The following CRHR2 variants were observed in gnomAD, a reference collection of about 807,000 sequenced individuals.
CRHR2 encodes corticotropin releasing hormone receptor 2.
In CRHR2, 53 loss-of-function variants were observed where a neutral mutation model predicts 57.9. The ratio of observed to expected loss-of-function variants is 0.92; its 90% CI spans 0.73 to 1.15. CRHR2 has a LOEUF of 1.15. Ranked by LOEUF, CRHR2 falls within the 50% of genes most tolerant of loss-of-function variation. The pLI, the probability that CRHR2 is intolerant of heterozygous loss-of-function variation, is 0.00. For synonymous variants in CRHR2, 213 were observed against 220.9 expected (o/e 0.96, Z 0.32); for missense variants, 532 against 542.6 (o/e 0.98, Z 0.19).
Position 30,656,003 on chromosome 7 carries a change from C to G in CRHR2, c.841G>C (p.Val281Leu), listed in dbSNP as rs748008972. The change falls in exon 9 of 12, where the codon GTA becomes CTA. Residue 281 changes from valine (V) to leucine (L), a missense_variant. Val to Leu is a conservative substitution (Grantham distance 32). Coordinates refer to ENST00000471646, the MANE Select transcript of CRHR2 (RefSeq NM_001883.5). The surrounding 1 kb of genome is among the most constrained non-coding windows in gnomAD (Gnocchi z 4.4). ...PIILVLLINF[V>L]FLFNIVRILM... ...ATCCTGACGATGTTGAACAGAAATACGAAATTGATCTGGAGGGAGGGCGGG... is the reference window on the plus strand; with the variant it reads ...ATCCTGACGATGTTGAACAGAAATAGGAAATTGATCTGGAGGGAGGGCGGG... 3.4e-5 allele frequency: 55 copies of G among 1,613,598 alleles called. 1 individual carries two copies. The South Asian group carries it at 5.9e-4, about 17-fold the overall frequency.
At chr7:30,683,324 T>C (rs1440664290), upstream of CRHR2, among the ~76,000 whole-genome samples, 1 of 152,214 alleles carries the variant, frequency 6.6e-6, no homozygotes, top group African/African-American at 2.4e-5. Flanking sequence ...CACCTGACCC[T>C]GGTTTCCACA....
chr7:30,675,566 C>T (rs1784492144), intron 2 of CRHR2, among the ~76,000 whole-genome samples: 1 of 152,242 alleles, frequency 6.6e-6, no homozygotes, highest in South Asian at 2.1e-4. Flanking sequence ...TTGAGGCCTC[C>T]ATGATCTGGC....
chr7:30,695,466 A>T (rs1446693040), intron 1 of CRHR2, among the ~76,000 whole-genome samples: 3 of 151,874 alleles, frequency 2.0e-5, no homozygotes, highest in African/African-American at 7.3e-5. Context: ...CTGAACGCCC[A>T]TGAATCCCTC....
At chr7:30,678,929 G>A (rs1248116873) in intron 2 of CRHR2, among the ~76,000 whole-genome samples, 2 of 152,154 alleles carry the variant, frequency 1.3e-5, no homozygotes, top group Non-Finnish European at 2.9e-5. Flanking sequence ...CCAAAATTGA[G>A]CTTCTCTGCT....
intron 11 of CRHR2, 181 bp downstream of exon 11, chr7:30,654,858 G>C: frequency 6.5e-7 from 1 of 1,547,606 alleles, no homozygotes; most frequent in Non-Finnish European, 8.7e-7. Flanking sequence ...CTGCATAGTT[G>C]ACCTTCTAAA....
chr7:30,667,555 G>T (rs1439674095), intron 2 of CRHR2, among the ~76,000 whole-genome samples: 1 of 152,212 alleles, frequency 6.6e-6, no homozygotes, highest in Non-Finnish European at 1.5e-5. Context: ...CTAGCATTTT[G>T]TACACTTTCA....
intron 2 of CRHR2, among the ~76,000 whole-genome samples, chr7:30,676,560 C>G (rs1197086243): frequency 6.6e-6 from 1 of 152,192 alleles, no homozygotes; most frequent in Non-Finnish European, 1.5e-5. Flanking sequence ...AGTTTACCCC[C>G]ACTCCCTCCA....
chr7:30,656,016 G>C lies in CRHR2; in HGVS notation c.832-4C>G. 1 of 1,609,390 alleles carries C rather than the reference G, an allele frequency of 6.2e-7. No individual in the cohort carries two copies. The highest frequency in any genetic ancestry group is 1.7e-5 in the Admixed American group (1 of 60,004). ...TGAACAGAAATACGAAATTGATCTGGAGGGAGGGCGGGCATGGGAAAGAGG... is the reference window on the plus strand; with the variant it reads ...TGAACAGAAATACGAAATTGATCTGCAGGGAGGGCGGGCATGGGAAAGAGG... On this transcript the variant is annotated splice_region_variant and splice_polypyrimidine_tract_variant and intron_variant, in intron 8 of 11. Coordinates refer to ENST00000471646, the MANE Select transcript of CRHR2 (RefSeq NM_001883.5). This position sits in a 1 kb window ranked among gnomAD's most constrained non-coding sequence, Gnocchi z 4.4.
At chr7:30,655,865 G>A (rs1207331779) in intron 9 of CRHR2, 62 bp downstream of exon 9, 2 of 1,599,396 alleles carry the variant, frequency 1.3e-6, no homozygotes, top group African/African-American at 1.3e-5. Context: ...CCAGGAAGCA[G>A]GGGGACGGCC....
chr7:30,690,149 G>A (rs1299877738), intron 1 of CRHR2, among the ~76,000 whole-genome samples: 2 of 152,212 alleles, frequency 1.3e-5, no homozygotes, highest in Admixed American at 6.5e-5. Flanking sequence ...AAGATGGATA[G>A]GATGTACAGT....
rs148865940 is a variant in CRHR2, at chr7:30,672,554, T to C, written c.230-5241A>G. Among the ~76,000 whole-genome samples, 225 of 152,342 alleles carry C rather than the reference T, an allele frequency of 1.5e-3. 1 individual carries two copies. The highest frequency in any genetic ancestry group is 5.2e-3 in the African/African-American group (217 of 41,590). Reference sequence around the variant, plus strand: ...CAGGAGGACAGTCTGCCACCTTGTATGCCCATGCTTCACCAAGATGCATGG... The same window carrying C: ...CAGGAGGACAGTCTGCCACCTTGTACGCCCATGCTTCACCAAGATGCATGG... On this transcript the variant is annotated intron_variant, in intron 2 of 11. Coordinates refer to ENST00000471646, the MANE Select transcript of CRHR2 (RefSeq NM_001883.5).
rs551449744 is a variant in CRHR2 at position 30,665,601 on chromosome 7, G to A, written c.354C>T (p.Val118=). The stretch of plus-strand genomic sequence containing the variant: ...ATACGCAGTGGCCCAGGTAGTTGAC[G>A]ACAAGGGCGATGCGGTAGTGCAGGT... ...KYDLHYRIAL[V]VNYLGHCVSV... is the part of the protein sequence containing the mutation. Residue 118 remains valine, a synonymous_variant, in exon 4 of 12, where the codon GTC becomes GTT. Coordinates refer to ENST00000471646, the MANE Select transcript of CRHR2 (RefSeq NM_001883.5). This position sits in a 1 kb window ranked among gnomAD's most constrained non-coding sequence, Gnocchi z 4.5. 2.7e-5 allele frequency: 42 copies of A among 1,562,322 alleles called. No homozygotes were observed. Among genetic ancestry groups the A allele is most frequent in the Non-Finnish European group, 2.3e-5 (26 of 1,152,372 alleles).
At chr7:30,684,853 C>T (rs757474085), upstream of CRHR2, among the ~76,000 whole-genome samples, 5 of 152,050 alleles carry the variant, frequency 3.3e-5, no homozygotes, top group Non-Finnish European at 7.4e-5. Context: ...TGGGAAGAGC[C>T]CCAAAATTCC....
chr7:30,685,944 C>A (rs1328771611), upstream of CRHR2, among the ~76,000 whole-genome samples: 1 of 152,076 alleles, frequency 6.6e-6, no homozygotes, highest in African/African-American at 2.4e-5. Context: ...CCTTCGTAAT[C>A]ATCTATCCCT....
chr7:30,662,261 G>A (rs1379843133), intron 6 of CRHR2, 45 bp from the exon 7 acceptor site: 1 of 1,604,824 alleles, frequency 6.2e-7, no homozygotes, highest in African/African-American at 1.3e-5. Context: ...GATGGACAGG[G>A]ACTTTCTTGT....
chr7:30,674,787 C>A (rs1051619029), intron 2 of CRHR2, among the ~76,000 whole-genome samples: 1 of 152,132 alleles, frequency 6.6e-6, no homozygotes, highest in Non-Finnish European at 1.5e-5. Flanking sequence ...AGACCACCAC[C>A]CCAGAATGAG....
chr7:30,664,153 A>G (rs1784105024), intron 5 of CRHR2, among the ~76,000 whole-genome samples: 1 of 152,216 alleles, frequency 6.6e-6, no homozygotes, highest in Non-Finnish European at 1.5e-5. Flanking sequence ...GCAGTGTTCT[A>G]TGTGGGACCA....
At chr7:30,696,106 G>A (rs1431677714) in intron 1 of CRHR2, among the ~76,000 whole-genome samples, 1 of 152,098 alleles carries the variant, frequency 6.6e-6, no homozygotes, top group Non-Finnish European at 1.5e-5. Flanking sequence ...CAAAACAATC[G>A]CATGGAGATA....
chr7:30,668,228 A>G (rs1241847450), intron 2 of CRHR2, among the ~76,000 whole-genome samples: 17 of 152,168 alleles, frequency 1.1e-4, no homozygotes, highest in Admixed American at 1.1e-3. Context: ...TCTCTATCTC[A>G]GCTCCAACTG....
Sources: allele counts gnomAD v4.1 joint callset (sites outside exome capture counted in the v4.1 genomes callset), GRCh38; gene constraint gnomAD v4.1.1; non-coding constraint Gnocchi (gnomAD v3.1); transcripts MANE v1.5; gene names NCBI Gene and HGNC (gene_info 2026-07-23, HGNC 2026-07-21).